ZAR1: variants seen among roughly 807,000 people sequenced by gnomAD.
ZAR1 encodes the protein zygote arrest 1.
ZAR1 carries 37 observed loss-of-function variants against 38.3 expected under a neutral mutation model. That is an observed-to-expected ratio of 0.97 (90% CI 0.74 to 1.27). ZAR1 has a LOEUF of 1.27. Among genes scored for constraint, ZAR1 ranks in the 50% most tolerant of loss-of-function variants. ZAR1 has a pLI of 0.00. For synonymous variants in ZAR1, 336 were observed against 292.0 expected, an observed-to-expected ratio of 1.15 and a Z score of -1.53; for missense variants, 651 against 632.4, an observed-to-expected ratio of 1.03 and a Z score of -0.32.
In ZAR1 at chr4:48,490,800, C is replaced by T; in HGVS notation, c.509C>T (p.Pro170Leu). 1 of 1,505,632 alleles carries T rather than the reference C, an allele frequency of 6.6e-7. No individual in the cohort carries two copies. Among genetic ancestry groups the T allele is most frequent in the African/African-American group, 1.4e-5 (1 of 69,828 alleles). The allele number at this position is 1,505,632 out of a possible 1,614,324, so 93.3% of individuals were successfully genotyped here. ...CAGGGCAGCCCCCAGAACGGCGCCC[C>T]GCGGCCCATGCGCTTCCCGCGCACC... ...LEQGSPQNGA[P>L]RPMRFPRTVA... Residue 170 changes from proline to leucine, a missense_variant, in exon 1 of 4, where the codon CCG becomes CTG. This residue lies in a region of ZAR1 where 522 missense variants were observed against 459.9 expected (regional missense o/e 1.14). Coordinates refer to ENST00000327939, the MANE Select transcript of ZAR1 (RefSeq NM_175619.3).
chr4:48,491,681 C>A (rs1718447519), intron 1 of ZAR1, among the ~76,000 whole-genome samples: 1 of 152,238 alleles, frequency 6.6e-6, no homozygotes, highest in African/African-American at 2.4e-5. Context: ...GTGGCAAAAA[C>A]CCTTCAACTG....
chr4:48,494,293 C>A lies in ZAR1; in HGVS notation c.*49C>A. 1.3e-6 allele frequency: 2 copies of A among 1,596,772 alleles called. No individual in the cohort carries two copies. Among genetic ancestry groups the A allele is most frequent in the Non-Finnish European group, 8.6e-7 (1 of 1,168,004 alleles). ...TGCGCTGATGGAGTAGACGAGTGAGCTTTTCCGTGCCTCTCCTCCACCTCT... is the reference window on the plus strand; with the variant it reads ...TGCGCTGATGGAGTAGACGAGTGAGATTTTCCGTGCCTCTCCTCCACCTCT... On this transcript the variant is annotated 3_prime_UTR_variant, in exon 4 of 4. Transcript: ENST00000327939.
intron 2 of ZAR1, 30 bp downstream of exon 2, chr4:48,492,888 T>C (rs371711536): frequency 6.2e-7 from 1 of 1,614,092 alleles, no homozygotes; most frequent in Non-Finnish European, 8.5e-7. Flanking sequence ...TGGCATCTTC[T>C]TGCTGAAAGT....
At chr4:48,497,373 TATTC>T (rs1325458986), downstream of ZAR1, 2 of 152,316 alleles carry the variant, frequency 1.3e-5, no homozygotes, top group African/African-American at 4.8e-5. Flanking sequence ...GCTGCAGGTA[TATTC>T]ATTTTTATTA....
Position 48,490,553 on chromosome 4 carries a change from G to A in ZAR1, c.262G>A (p.Ala88Thr). Residue 88 changes from alanine (A) to threonine (T), a missense_variant, in exon 1 of 4, where the codon GCG (alanine) becomes ACG (threonine). Physicochemically the swap from Ala to Thr is moderately conservative, Grantham distance 58. Coordinates refer to ENST00000327939, the MANE Select transcript of ZAR1 (RefSeq NM_175619.3). ...GCGGGAGCGGCTCATGGCTCTCCTG[G>A]CGCAGGTGGGGCCGGGTCTCGGGCC... ...YQRERLMALL[A>T]QVGPGLGPRA... The A allele has an allele frequency of 6.9e-7, 1 of 1,443,214 alleles. No homozygotes were observed. The highest frequency in any genetic ancestry group is 9.0e-7 in the Non-Finnish European group (1 of 1,107,640). The allele number at this position is 1,443,214 out of a possible 1,614,324, so 89.4% of individuals were successfully genotyped here.
intron 1 of ZAR1, among the ~76,000 whole-genome samples, chr4:48,491,627 G>A (rs904229240): frequency 5.9e-5 from 9 of 152,236 alleles, no homozygotes; most frequent in Admixed American, 1.3e-4. Context: ...GCCGGCTGGA[G>A]AGTCGATTCC....
chr4:48,490,952 C>T lies in ZAR1; in HGVS notation c.661C>T (p.Gln221Ter). Residue 221 changes from glutamine (Q) to a stop codon, truncating the protein, a stop_gained, in exon 1 of 4, where the codon CAA (glutamine) becomes TAA (stop). Coordinates refer to ENST00000327939, the MANE Select transcript of ZAR1 (RefSeq NM_175619.3). LOFTEE classifies it high-confidence loss of function. ...GERGPPPARL[Q>*]GPEEGEVWTK... ...GAGGGGGCCGCCGCCCGCGCGGCTTCAAGGCCCAGAGGAGGGGGAGGTGTG... is the reference window on the plus strand; with the variant it reads ...GAGGGGGCCGCCGCCCGCGCGGCTTTAAGGCCCAGAGGAGGGGGAGGTGTG... 1.5e-6 allele frequency: 2 copies of T among 1,345,432 alleles called. No individual in the cohort carries two copies. The highest frequency in any genetic ancestry group is 1.9e-6 in the Non-Finnish European group (2 of 1,053,840). 83.3% of individuals were successfully genotyped at this position (1,345,432 alleles called of 1,614,324 possible). A position where few individuals can be genotyped will look rare whatever the true frequency, so the allele number is the denominator to read the frequency against.
At chr4:48,491,358 C>A in intron 1 of ZAR1, 104 bp downstream of exon 1, 1 of 936,204 alleles carries the variant, frequency 1.1e-6, no homozygotes, top group Non-Finnish European at 1.4e-6. Context: ...GCGGCGCTTC[C>A]CTAAGCGTGG....
chr4:48,494,200 C>T lies in ZAR1; in HGVS notation c.1231C>T (p.Arg411Cys), dbSNP rs1237931399. 7 of 1,614,100 alleles carry T rather than the reference C, an allele frequency of 4.3e-6. No homozygotes were observed. Among genetic ancestry groups the T allele is most frequent in the African/African-American group, 4.0e-5 (3 of 74,928 alleles). ...TTTGTGCGGTAGATGCAAAGGCAAA[C>T]GCCTGTCCTGTGACAGCACTTTCAG... is the stretch of plus-strand genomic sequence containing the variant. The part of the protein sequence containing the change: ...QDLCGRCKGK[R>C]LSCDSTFSFK... The change falls in exon 4 of 4, where the codon CGC becomes TGC. Residue 411 changes from arginine to cysteine, a missense_variant. Transcript: ENST00000327939.
At chr4:48,494,488 T>G (rs1718532984), downstream of ZAR1, 7 of 480,932 alleles carry the variant, frequency 1.5e-5, no homozygotes, top group East Asian at 2.9e-4. Context: ...TATGAATGCT[T>G]GCTGATGGCA....
intron 3 of ZAR1, 42 bp from the exon 4 acceptor site, chr4:48,494,059 G>A (rs765388942): frequency 6.3e-7 from 1 of 1,596,662 alleles, no homozygotes; most frequent in East Asian, 2.2e-5. Flanking sequence ...AAATCACTAA[G>A]GGTTTATCTT....
downstream of ZAR1, chr4:48,494,528 C>T: frequency 2.7e-6 from 1 of 371,274 alleles, no homozygotes; most frequent in Non-Finnish European, 4.9e-6. Flanking sequence ...AGTTAGGCTG[C>T]AGCCACTTGG....
In ZAR1 at chr4:48,492,924, C is replaced by T; in HGVS notation, c.1057-14C>T. ...GTCAAGGCGATTTTAAGTTTATCCT[C>T]TTTGTCATCACAGGTTTACTTCAAA... is the stretch of plus-strand genomic sequence containing the variant. On this transcript the variant is annotated splice_polypyrimidine_tract_variant and intron_variant, in intron 2 of 3. Coordinates refer to ENST00000327939, the MANE Select transcript of ZAR1 (RefSeq NM_175619.3). The T allele has an allele frequency of 6.2e-7, 1 of 1,614,184 alleles. No homozygotes were observed. The highest frequency in any genetic ancestry group is 8.5e-7 in the Non-Finnish European group (1 of 1,180,012).
chr4:48,495,532 C>T (rs557624877), downstream of ZAR1, among the ~76,000 whole-genome samples: 8 of 152,328 alleles, frequency 5.3e-5, no homozygotes, highest in African/African-American at 1.7e-4. Context: ...ATTTAATAGG[C>T]GCCCCAGCTG....
In ZAR1 at chr4:48,494,375, G is replaced by T; in HGVS notation, c.*131G>T. The T allele has an allele frequency of 8.4e-7, 1 of 1,192,900 alleles. No individual in the cohort carries two copies. Among genetic ancestry groups the T allele is most frequent in the Non-Finnish European group, 1.2e-6 (1 of 840,014 alleles). 73.9% of individuals were successfully genotyped at this position (1,192,900 alleles called of 1,614,324 possible). A position where few individuals can be genotyped will look rare whatever the true frequency, so the allele number is the denominator to read the frequency against. ...TATTCTGAAAAAGCCTTCAAATAAA[G>T]GTATTGCAACACGATTTATACATTG... On this transcript the variant is annotated 3_prime_UTR_variant, in exon 4 of 4. Coordinates refer to ENST00000327939, the MANE Select transcript of ZAR1 (RefSeq NM_175619.3).
downstream of ZAR1, among the ~76,000 whole-genome samples, chr4:48,495,747 C>A (rs1718574935): frequency 6.6e-6 from 1 of 152,180 alleles, no homozygotes; most frequent in Admixed American, 6.5e-5. Flanking sequence ...AGAACGATAC[C>A]TCAGCTAAGC....
chr4:48,493,476 G>C (rs1718500894), intron 3 of ZAR1, among the ~76,000 whole-genome samples: 1 of 152,212 alleles, frequency 6.6e-6, no homozygotes, highest in African/African-American at 2.4e-5. Flanking sequence ...TTTATGGGGA[G>C]TTGACTATAA....
downstream of ZAR1, among the ~76,000 whole-genome samples, chr4:48,496,749 A>G (rs1366891908): frequency 2.0e-5 from 3 of 152,258 alleles, no homozygotes; most frequent in Admixed American, 2.0e-4. Context: ...CTGGGTATCA[A>G]GAGAAGTAAC....
At chr4:48,492,904 G>GGC in intron 2 of ZAR1, 34 bp from the exon 3 acceptor site, 3 of 1,614,028 alleles carry the variant, frequency 1.9e-6, no homozygotes, top group Non-Finnish European at 2.5e-6. Flanking sequence ...AAAGTGTCAA[G>GGC]GCGATTTTAA....
Sources: allele counts gnomAD v4.1 joint callset (sites outside exome capture counted in the v4.1 genomes callset), GRCh38; gene constraint gnomAD v4.1.1; regional missense constraint gnomAD v4.1.1; transcripts MANE v1.5; gene names NCBI Gene and HGNC (gene_info 2026-07-23, HGNC 2026-07-21).